PZP: variants seen among roughly 807,000 people sequenced by gnomAD.
The protein encoded by PZP is PZP alpha-2-macroglobulin like.
PZP carries 150 observed loss-of-function variants against 179.8 expected under a neutral mutation model. The ratio of observed to expected loss-of-function variants is 0.83; its 90% CI spans 0.73 to 0.96. The LOEUF (loss-of-function observed/expected upper bound fraction) is 0.96, where lower values mean the gene tolerates loss of function less well. Among genes scored for constraint, PZP ranks in the 40% least tolerant of loss-of-function variants. The pLI is 0.00. For synonymous variants in PZP, 624 were observed against 652.3 expected, an observed-to-expected ratio of 0.96 and a Z score of 0.66; for missense variants, 1,689 against 1,764.0, an observed-to-expected ratio of 0.96 and a Z score of 0.76.
At position 9,181,011 on chromosome 12, in the gene PZP, T is replaced by G; in HGVS notation, c.1811A>C (p.Lys604Thr). Residue 604 changes from lysine (K) to threonine (T), a missense_variant, in exon 15 of 36, where the codon AAG (lysine) becomes ACG (threonine). Lys to Thr is a moderately conservative substitution (Grantham distance 78). Around this residue, in one of 3 missense-constraint regions of PZP, gnomAD observed 742 missense variants for 730.5 expected, o/e 1.02. Coordinates refer to ENST00000261336, the MANE Select transcript of PZP (RefSeq NM_002864.3). ...RAVDQSVLLM[K>T]PEAELSVSSV... is the part of the protein sequence containing the mutation. Reference sequence around the variant, plus strand: ...GGACACAGAGAGCTCAGCCTCAGGCTTCATGAGCAGCACACTTTGGTCCAC... The same window carrying G: ...GGACACAGAGAGCTCAGCCTCAGGCGTCATGAGCAGCACACTTTGGTCCAC... 6.2e-7 allele frequency: 1 copy of G among 1,613,964 alleles called. No individual in the cohort carries two copies. The highest frequency in any genetic ancestry group is 8.5e-7 in the Non-Finnish European group (1 of 1,179,944).
Position 9,202,308 on chromosome 12 carries a change from T to C in PZP, c.480+11A>G, listed in dbSNP as rs1369263168. 2.5e-6 allele frequency: 4 copies of C among 1,610,082 alleles called. No individual in the cohort carries two copies. The highest frequency in any genetic ancestry group is 1.7e-5 in the Admixed American group (1 of 60,016). On this transcript the variant is annotated intron_variant, in intron 4 of 35. Coordinates refer to ENST00000261336, the MANE Select transcript of PZP (RefSeq NM_002864.3). ...TACCCACAACCCAAACCACAGATAG[T>C]GGATGCTTACCAGTTCATTTCGAGG...
At chr12:9,146,387 T>C (rs1940008338), downstream of PZP, among the ~76,000 whole-genome samples, 1 of 152,092 alleles carries the variant, frequency 6.6e-6, no homozygotes, top group South Asian at 2.1e-4. Flanking sequence ...ATACTTTTTG[T>C]GGTTTTGTTG....
intron 17 of PZP, among the ~76,000 whole-genome samples, 158 bp from the exon 18 acceptor site, chr12:9,166,360 C>T (rs960759186): frequency 2.0e-5 from 3 of 152,198 alleles, no homozygotes; most frequent in African/African-American, 7.2e-5. Flanking sequence ...TGTGATCCCT[C>T]ATTCCCTGAA....
At chr12:9,174,938 C>A (rs1340969909) in intron 15 of PZP, among the ~76,000 whole-genome samples, 1 of 152,158 alleles carries the variant, frequency 6.6e-6, no homozygotes, top group African/African-American at 2.4e-5. Flanking sequence ...CATTGACATT[C>A]TTCACAGAAT....
At chr12:9,161,321 C>A (rs775315823) in intron 22 of PZP, among the ~76,000 whole-genome samples, 2 of 152,120 alleles carry the variant, frequency 1.3e-5, no homozygotes, top group African/African-American at 4.8e-5. Flanking sequence ...TCAATTTCAA[C>A]GAATGTGAGC....
chr12:9,203,434 C>T (rs749705737), intron 2 of PZP, among the ~76,000 whole-genome samples: 6 of 150,120 alleles, frequency 4.0e-5, no homozygotes, highest in South Asian at 2.1e-4. Context: ...CTTCGCCTCC[C>T]GGGTTCACGC....
At position 9,192,715 on chromosome 12, in the gene PZP, A is replaced by C. The variant is rs1943530492; in HGVS notation, c.1279T>G (p.Cys427Gly). Residue 427 changes from cysteine to glycine, a missense_variant, in exon 12 of 36, where the codon TGT becomes GGT. This residue lies in a region of PZP where 742 missense variants were observed against 730.5 expected (regional missense o/e 1.02). Coordinates refer to ENST00000261336, the MANE Select transcript of PZP (RefSeq NM_002864.3). The stretch of plus-strand genomic sequence containing the variant: ...TCTGCTACCCATGAATAGTGAAAAC[A>C]CAAGTTGGGATGCACAGTGAAAACC... Reference protein sequence around the residue: ...VRVFTVHPNLCFHYSWVAEDH... With the variant: ...VRVFTVHPNLGFHYSWVAEDH... 6 of 1,612,422 alleles carry C rather than the reference A, an allele frequency of 3.7e-6. No individual in the cohort carries two copies. In the East Asian group the frequency reaches 1.1e-4, roughly 30 times the overall value.
intron 4 of PZP, among the ~76,000 whole-genome samples, chr12:9,201,819 G>A (rs762455724): frequency 6.6e-6 from 1 of 152,118 alleles, no homozygotes; most frequent in East Asian, 1.9e-4. Flanking sequence ...ATTAAAAGCA[G>A]CTTTGTTCCT....
chr12:9,170,411 TG>T lies in PZP; in HGVS notation c.1840-821del, dbSNP rs1472656562. On this transcript the variant is annotated intron_variant, in intron 15 of 35. Transcript: ENST00000261336. The surrounding 1 kb of genome is among the most constrained non-coding windows in gnomAD (Gnocchi z 4.6). ...CCTGGAGTTTTACATAATCCGGCCCTGGGATCCCTGGAAAGGCAGGAAATCT... is the reference window on the plus strand; with the variant it reads ...CCTGGAGTTTTACATAATCCGGCCCTGGATCCCTGGAAAGGCAGGAAATCT... 6.6e-6 allele frequency among the ~76,000 whole-genome samples: 1 copy of T among 152,132 alleles called. No homozygotes were observed. Among genetic ancestry groups the T allele is most frequent in the East Asian group, 1.9e-4 (1 of 5,196 alleles).
chr12:9,138,301 G>T, the PZP span, among the ~76,000 whole-genome samples: 1 of 151,748 alleles, frequency 6.6e-6, no homozygotes, highest in Non-Finnish European at 1.5e-5. Flanking sequence ...TTTATTCTGT[G>T]AATGTGGTAC....
rs752364017 is a variant in PZP, at chr12:9,154,617, T to G, written c.3773A>C (p.Gln1258Pro). ...GAAGACTCTTTGGGAACCACTGACC[T>G]GGGTGGAGGAGAAACCACCTTGGGC... Reference protein sequence around the residue: ...QNAQGGFSSTQDTVVALHALS... With the variant: ...QNAQGGFSSTPDTVVALHALS... Residue 1258 changes from glutamine to proline, a missense_variant and splice_region_variant, in exon 29 of 36, where the codon CAG (glutamine) becomes CCG (proline). By Grantham distance (76) the Gln-to-Pro change is moderately conservative. Coordinates refer to ENST00000261336, the MANE Select transcript of PZP (RefSeq NM_002864.3). The G allele has an allele frequency of 6.2e-7, 1 of 1,613,946 alleles. No individual in the cohort carries two copies. The highest frequency in any genetic ancestry group is 8.5e-7 in the Non-Finnish European group (1 of 1,179,894).
At chr12:9,196,924 T>G (rs1348148453) in intron 8 of PZP, 88 bp downstream of exon 8, 2 of 1,076,652 alleles carry the variant, frequency 1.9e-6, no homozygotes, top group African/African-American at 3.2e-5. Context: ...GCGACAAGCT[T>G]GTCCTGATGC....
At chr12:9,169,370 A>C (rs1168111551) in intron 16 of PZP, 60 bp downstream of exon 16, 2 of 1,409,714 alleles carry the variant, frequency 1.4e-6, no homozygotes, top group Admixed American at 4.4e-5. Context: ...ATAGATACAG[A>C]GTTTTATTAA....
intron 20 of PZP, 53 bp from the exon 21 acceptor site, chr12:9,163,842 CT>C: frequency 6.4e-7 from 1 of 1,566,514 alleles, no homozygotes; most frequent in Non-Finnish European, 8.6e-7. Flanking sequence ...GTCCAATCAC[CT>C]TTAAGGGCTG....
In PZP at chr12:9,196,375, C is replaced by G. The variant is rs1465210247; in HGVS notation, c.1047G>C (p.Val349=). The part of the protein sequence containing the change: ...ITNIVSKLKF[V]KVDSHFRQGI... ...CTTGTCTAAAGTGTGAATCCACTTT[C>G]ACGAATTTGAGTTTGGATACAATGT... Residue 349 remains valine, a synonymous_variant, in exon 10 of 36, where the codon GTG becomes GTC. Transcript: ENST00000261336. 1.2e-6 allele frequency: 2 copies of G among 1,613,810 alleles called. No homozygotes were observed. The highest frequency in any genetic ancestry group is 1.7e-6 in the Non-Finnish European group (2 of 1,179,788).
downstream of PZP, among the ~76,000 whole-genome samples, chr12:9,145,016 G>T (rs1939936568): frequency 6.6e-6 from 1 of 152,198 alleles, no homozygotes. Context: ...ATTACCATTT[G>T]CATGGGATAT....
chr12:9,204,137 A>C (rs1330603359), intron 1 of PZP, among the ~76,000 whole-genome samples, 186 bp from the exon 2 acceptor site: 1 of 152,192 alleles, frequency 6.6e-6, no homozygotes, highest in Non-Finnish European at 1.5e-5. Context: ...CTCATCAGCC[A>C]TGCCTCAGCC....
chr12:9,161,949 TTTG>T (rs746232727), intron 22 of PZP, among the ~76,000 whole-genome samples: 3 of 151,886 alleles, frequency 2.0e-5, no homozygotes, highest in Non-Finnish European at 2.9e-5. Context: ...GTCTTTAGTT[TTTG>T]TTGTTGTTGT....
intron 2 of PZP, 36 bp from the exon 3 acceptor site, chr12:9,202,720 G>C (rs1444888336): frequency 6.3e-7 from 1 of 1,588,774 alleles, no homozygotes; most frequent in South Asian, 1.1e-5. Context: ...CTGAGGAACT[G>C]TGCAGTCTTC....
Sources: allele counts gnomAD v4.1 joint callset (sites outside exome capture counted in the v4.1 genomes callset), GRCh38; gene constraint gnomAD v4.1.1; regional missense constraint gnomAD v4.1.1; non-coding constraint Gnocchi (gnomAD v3.1); transcripts MANE v1.5; gene names NCBI Gene and HGNC (gene_info 2026-07-23, HGNC 2026-07-21).